Variants in ACOXL observed in about 807,000 individuals in gnomAD.
The protein encoded by ACOXL is acyl-coenzyme A oxidase-like protein.
ACOXL carries 70 observed loss-of-function variants against 71.9 expected under a neutral mutation model. The observed-to-expected ratio is 0.97, with a 90% CI of 0.80 to 1.19. ACOXL has a LOEUF of 1.19. Among genes scored for constraint, ACOXL ranks in the 50% most tolerant of loss-of-function variants. ACOXL has a pLI of 0.00. For missense variants in ACOXL, 703 were observed against 736.3 expected (o/e 0.95, Z 0.52); for synonymous variants, 253 against 281.6 (o/e 0.90, Z 1.02).
chr2:111,104,831 C>G lies in ACOXL; in HGVS notation c.1542+11865C>G, dbSNP rs547189773. Among the ~76,000 whole-genome samples the G allele has an allele frequency of 5.9e-5, 9 of 152,148 alleles. No homozygotes were observed. In the South Asian group the frequency reaches 1.9e-3, roughly 32 times the overall value. On this transcript the variant is annotated intron_variant, in intron 17 of 17. Coordinates refer to ENST00000439055, the MANE Select transcript of ACOXL (RefSeq NM_001142807.4). ...GCAAAAGTTTTTAATTTAATAAAGT[C>G]TAATTTATCCATTTTTCCTTTTATG... is the stretch of plus-strand genomic sequence containing the variant.
At chr2:110,961,665 T>C (rs1384124032) in intron 12 of ACOXL, among the ~76,000 whole-genome samples, 2 of 152,256 alleles carry the variant, frequency 1.3e-5, no homozygotes, top group African/African-American at 4.8e-5. Context: ...TGTATTAGTC[T>C]GTTCTTGCAC....
chr2:110,755,096 A>T (rs992974096), intron 1 of ACOXL, among the ~76,000 whole-genome samples: 1 of 152,100 alleles, frequency 6.6e-6, no homozygotes, highest in Non-Finnish European at 1.5e-5. Flanking sequence ...GGACCGTTTT[A>T]CAACCTGAAT....
At chr2:110,773,161 T>A (rs1295145077) in intron 2 of ACOXL, among the ~76,000 whole-genome samples, 1 of 152,184 alleles carries the variant, frequency 6.6e-6, no homozygotes, top group Non-Finnish European at 1.5e-5. Context: ...ATTGGTTGCA[T>A]TATATTTATA....
chr2:110,871,398 A>C (rs976554198), intron 10 of ACOXL, among the ~76,000 whole-genome samples: 1 of 152,130 alleles, frequency 6.6e-6, no homozygotes, highest in African/African-American at 2.4e-5. Flanking sequence ...ATATGGAAGC[A>C]TTAGCCACTG....
At chr2:110,749,077 G>A (rs944343833) in intron 1 of ACOXL, among the ~76,000 whole-genome samples, 9 of 152,178 alleles carry the variant, frequency 5.9e-5, no homozygotes, top group African/African-American at 2.2e-4. Flanking sequence ...GAATCATTCT[G>A]TGGTCGAAGG....
At chr2:110,874,073 G>A (rs922229991) in intron 10 of ACOXL, among the ~76,000 whole-genome samples, 46 of 152,322 alleles carry the variant, frequency 3.0e-4, no homozygotes, top group African/African-American at 1.0e-3. Flanking sequence ...AGCAAGAGCC[G>A]GGGAGGATGC....
At chr2:110,969,738 G>A (rs371040473) in intron 12 of ACOXL, among the ~76,000 whole-genome samples, 194 of 152,072 alleles carry the variant, frequency 1.3e-3, no homozygotes, top group Middle Eastern at 0.01. Flanking sequence ...TTGAGCTTGG[G>A]GTGCAGAGGC....
intron 16 of ACOXL, among the ~76,000 whole-genome samples, chr2:111,063,749 A>G (rs915239729): frequency 4.6e-5 from 7 of 152,216 alleles, no homozygotes; most frequent in East Asian, 1.9e-4. Context: ...TTTCTATTCA[A>G]TGTAGTACTA....
At chr2:111,115,846 G>A (rs888005570) in intron 17 of ACOXL, among the ~76,000 whole-genome samples, 1 of 152,196 alleles carries the variant, frequency 6.6e-6, no homozygotes, top group Non-Finnish European at 1.5e-5. Context: ...ACACTTATGA[G>A]TGAAGAAACC....
intron 9 of ACOXL, among the ~76,000 whole-genome samples, chr2:110,811,129 C>T (rs963493605): frequency 4.6e-5 from 7 of 152,292 alleles, no homozygotes; most frequent in Middle Eastern, 3.4e-3. Flanking sequence ...ACAGCCAAAG[C>T]GTATCAGGGA....
At chr2:110,900,814 G>T (rs1043270278) in intron 10 of ACOXL, among the ~76,000 whole-genome samples, 1 of 152,196 alleles carries the variant, frequency 6.6e-6, no homozygotes, top group African/African-American at 2.4e-5. Flanking sequence ...CAAAGAATCT[G>T]AAATTGGCCA....
At chr2:111,103,362 GAC>G (rs1296889311) in intron 17 of ACOXL, among the ~76,000 whole-genome samples, 1 of 152,066 alleles carries the variant, frequency 6.6e-6, no homozygotes, top group African/African-American at 2.4e-5. Context: ...CGCATTTTAA[GAC>G]ACAGAGAAGG....
At chr2:110,757,218 A>G (rs565986542) in intron 1 of ACOXL, among the ~76,000 whole-genome samples, 4 of 152,324 alleles carry the variant, frequency 2.6e-5, no homozygotes, top group Admixed American at 1.3e-4. Context: ...TGTTCCTGCA[A>G]ATGTCCTAAT....
chr2:111,053,825 C>T (rs1472531286), intron 16 of ACOXL, among the ~76,000 whole-genome samples: 3 of 152,242 alleles, frequency 2.0e-5, no homozygotes, highest in Admixed American at 6.5e-5. Context: ...CTGAAGCCAT[C>T]GCCTGCAGAG....
chr2:110,886,414 G>A (rs1283438837), intron 10 of ACOXL, among the ~76,000 whole-genome samples: 2 of 130,202 alleles, frequency 1.5e-5, no homozygotes, highest in Non-Finnish European at 3.2e-5. Flanking sequence ...TTCTCACTCT[G>A]TTGCGCAGGC....
At chr2:110,755,891 T>A (rs952303606) in intron 1 of ACOXL, among the ~76,000 whole-genome samples, 1 of 152,072 alleles carries the variant, frequency 6.6e-6, no homozygotes, top group African/African-American at 2.4e-5. Context: ...GTTTCTAGTG[T>A]GTCCTTAAAG....
In ACOXL at chr2:110,936,543, C is replaced by G. The variant is rs184621146; in HGVS notation, c.1059+2901C>G. Among the ~76,000 whole-genome samples the G allele has an allele frequency of 6.9e-3, 1,044 of 152,050 alleles. 11 individuals are homozygous for G. Among genetic ancestry groups the G allele is most frequent in the Non-Finnish European group, 7.7e-3 (521 of 67,980 alleles). Reference sequence around the variant, plus strand: ...TCCCAAAGTGCTGGGATTACAGGTGCGAGTCATGGTTCCTGGTCTACCCAC... The same window carrying G: ...TCCCAAAGTGCTGGGATTACAGGTGGGAGTCATGGTTCCTGGTCTACCCAC... On this transcript the variant is annotated intron_variant, in intron 12 of 17. Transcript: ENST00000439055.
chr2:110,993,650 A>G (rs376889659), intron 13 of ACOXL, among the ~76,000 whole-genome samples: 3 of 152,198 alleles, frequency 2.0e-5, no homozygotes, highest in African/African-American at 7.2e-5. Context: ...AATTAGTAGG[A>G]GTGAAACTGC....
At chr2:111,061,768 G>A (rs1267360560) in intron 16 of ACOXL, among the ~76,000 whole-genome samples, 1 of 152,084 alleles carries the variant, frequency 6.6e-6, no homozygotes, top group Non-Finnish European at 1.5e-5. Context: ...AACTGTTGAT[G>A]CACGTAGACC....
Sources: gnomAD v4.1 joint callset for allele counts (sites outside exome capture counted in the v4.1 genomes callset) on GRCh38, gnomAD v4.1.1 for gene constraint, MANE v1.5 for transcripts, NCBI Gene and HGNC (gene_info 2026-07-23, HGNC 2026-07-21) for gene names.